Variants in ARHGAP21 observed in about 807,000 individuals in gnomAD.
ARHGAP21 encodes rho GTPase-activating protein 21.
ARHGAP21 carries 38 observed loss-of-function variants against 164.6 expected under a neutral mutation model. The observed-to-expected ratio is 0.23, with a 90% CI of 0.18 to 0.30. ARHGAP21 has a LOEUF of 0.30. Among genes scored for constraint, ARHGAP21 ranks in the 10% least tolerant of loss-of-function variants. The pLI, the probability that ARHGAP21 is intolerant of heterozygous loss-of-function variation, is 1.00. For missense variants in ARHGAP21, 1,822 were observed against 2,370.7 expected (o/e 0.77, Z 4.81); for synonymous variants, 766 against 857.9 (o/e 0.89, Z 1.87).
chr10:24,664,130 G>T (rs1232367961), intron 4 of ARHGAP21, among the ~76,000 whole-genome samples: 1 of 152,186 alleles, frequency 6.6e-6, no homozygotes, highest in East Asian at 1.9e-4. Flanking sequence ...TTTTCCAAGG[G>T]AGAAACCCGT....
At chr10:24,664,954 C>T (rs966401396) in intron 4 of ARHGAP21, among the ~76,000 whole-genome samples, 3 of 152,154 alleles carry the variant, frequency 2.0e-5, no homozygotes, top group Admixed American at 6.5e-5. Context: ...TAATGATCTG[C>T]ATGAAGTTTT....
At chr10:24,588,323 AGT>A (rs2076188301) in intron 25 of ARHGAP21, among the ~76,000 whole-genome samples, 1 of 114,092 alleles carries the variant, frequency 8.8e-6, no homozygotes, top group Non-Finnish European at 2.2e-5. Flanking sequence ...TCAGAACAAA[AGT>A]GTGAATTTAC....
intron 4 of ARHGAP21, among the ~76,000 whole-genome samples, chr10:24,647,515 TTTC>T (rs1837691643): frequency 6.6e-6 from 1 of 152,204 alleles, no homozygotes; most frequent in Non-Finnish European, 1.5e-5. Context: ...GAAATCTGCT[TTTC>T]TTCTTCAACA....
intron 19 of ARHGAP21, 35 bp from the exon 20 acceptor site, chr10:24,595,225 A>G (rs924128075): frequency 1.3e-6 from 2 of 1,544,696 alleles, no homozygotes; most frequent in African/African-American, 2.7e-5. Context: ...ATTTATCTTA[A>G]ATTGCCTAGG....
chr10:24,655,036 A>G (rs1037367607), intron 4 of ARHGAP21, among the ~76,000 whole-genome samples: 14 of 152,390 alleles, frequency 9.2e-5, no homozygotes, highest in Non-Finnish European at 1.9e-4. Flanking sequence ...TCCCTATTTA[A>G]TAAAAGGTGC....
chr10:24,632,979 T>C (rs1382189950), intron 6 of ARHGAP21, among the ~76,000 whole-genome samples: 1 of 152,206 alleles, frequency 6.6e-6, no homozygotes. Context: ...GAATGTCTTG[T>C]TGTCTTGGTT....
chr10:24,661,132 A>G lies in ARHGAP21; in HGVS notation c.268+5853T>C, dbSNP rs1839652681. 3.3e-5 allele frequency among the ~76,000 whole-genome samples: 5 copies of G among 149,814 alleles called. No homozygotes were observed. The South Asian group carries it at 1.0e-3, about 31-fold the overall frequency. On this transcript the variant is annotated intron_variant, in intron 4 of 25. Coordinates refer to ENST00000396432, the MANE Select transcript of ARHGAP21 (RefSeq NM_020824.4). ...TAATTATATTACATTAGAACATGTT[A>G]TACTATATTGTTATATATTTATATT...
chr10:24,691,858 T>C (rs546737853), intron 2 of ARHGAP21, among the ~76,000 whole-genome samples: 6 of 152,370 alleles, frequency 3.9e-5, no homozygotes, highest in African/African-American at 9.6e-5. Flanking sequence ...CAAACTGTTA[T>C]GATTTTTAAG....
rs916069271 is a variant in ARHGAP21, at chr10:24,593,617, C to T, written c.3876+1333G>A. Among the ~76,000 whole-genome samples, 2 of 61,328 alleles carry T rather than the reference C, an allele frequency of 3.3e-5. 1 individual carries two copies. The highest frequency in any genetic ancestry group is 9.9e-4 in the South Asian group (2 of 2,018). The allele number at this position is 61,328 out of a possible 152,430, so 40.2% of individuals were successfully genotyped here. Reference sequence around the variant, plus strand: ...AAAGATATTCCATAAAATACCATACCCCATCTTCAAGATTCAGTGTAATTA... The same window carrying T: ...AAAGATATTCCATAAAATACCATACTCCATCTTCAAGATTCAGTGTAATTA... On this transcript the variant is annotated intron_variant, in intron 21 of 25. Transcript: ENST00000396432.
rs1164602567 is a variant in ARHGAP21, at chr10:24,620,883, A to G, written c.1012T>C (p.Ser338Pro). Reference protein sequence around the residue: ...HLIHQPAGSRSLEPSGILLKS... With the variant: ...HLIHQPAGSRPLEPSGILLKS... The stretch of plus-strand genomic sequence containing the variant: ...AGTAAAATTCCAGAAGGTTCCAGTG[A>G]TCTGGAGCCTGCAGGCTGATGAATT... The change falls in exon 9 of 26, where the codon TCA becomes CCA. Residue 338 changes from serine to proline, a missense_variant. Around this residue, in one of 5 missense-constraint regions of ARHGAP21, gnomAD observed 1,090 missense variants for 1,378.9 expected, o/e 0.79. Transcript: ENST00000396432. 1.9e-6 allele frequency: 3 copies of G among 1,613,780 alleles called. No individual in the cohort carries two copies. The African/African-American group carries it at 4.0e-5, about 22-fold the overall frequency.
intron 4 of ARHGAP21, among the ~76,000 whole-genome samples, chr10:24,665,397 A>T (rs971420034): frequency 6.6e-6 from 1 of 152,198 alleles, no homozygotes; most frequent in African/African-American, 2.4e-5. Flanking sequence ...CAACAGGTTG[A>T]GTGGTTAAAC....
intron 2 of ARHGAP21, among the ~76,000 whole-genome samples, chr10:24,683,291 G>C (rs1258589115): frequency 6.6e-6 from 1 of 151,752 alleles, no homozygotes; most frequent in African/African-American, 2.4e-5. Context: ...TTTTCATATA[G>C]CTGGCTTTCA....
At chr10:24,678,948 C>G (rs1327259293) in intron 2 of ARHGAP21, among the ~76,000 whole-genome samples, 1 of 152,146 alleles carries the variant, frequency 6.6e-6, no homozygotes, top group Non-Finnish European at 1.5e-5. Context: ...TAGTTCATTC[C>G]TTTTCATTGC....
At chr10:24,718,172 A>T (rs535957311) in intron 2 of ARHGAP21, among the ~76,000 whole-genome samples, 77 of 152,304 alleles carry the variant, frequency 5.1e-4, no homozygotes, top group Non-Finnish European at 7.5e-4. Flanking sequence ...GAGACGGAAG[A>T]GTGAGAATGC....
chr10:24,620,011 A>C lies in ARHGAP21; in HGVS notation c.1884T>G (p.Ala628=). The change falls in exon 9 of 26, where the codon GCT becomes GCG. Residue 628 remains alanine (A), a synonymous_variant. Transcript: ENST00000396432. The stretch of plus-strand genomic sequence containing the variant: ...ATGGTTTTGTGACATGCGTGGAAGG[A>C]GCTTTCAGAGAATTACTTCGGACTT... ...LVKVRSNSLK[A]PSTHVTKPSF... is the part of the protein sequence containing the mutation. 1 of 1,613,948 alleles carries C rather than the reference A, an allele frequency of 6.2e-7. No individual in the cohort carries two copies. The highest frequency in any genetic ancestry group is 8.5e-7 in the Non-Finnish European group (1 of 1,179,860).
At chr10:24,713,159 T>C (rs1446911393) in intron 2 of ARHGAP21, among the ~76,000 whole-genome samples, 2 of 152,192 alleles carry the variant, frequency 1.3e-5, no homozygotes, top group African/African-American at 2.4e-5. Flanking sequence ...CTTCTCAATA[T>C]ATTAATGAGT....
intron 2 of ARHGAP21, among the ~76,000 whole-genome samples, chr10:24,675,682 A>G (rs924127304): frequency 6.6e-6 from 1 of 152,200 alleles, no homozygotes; most frequent in African/African-American, 2.4e-5. Context: ...GAATGAGGAA[A>G]CATGGGGCTG....
chr10:24,596,024 T>A lies in ARHGAP21; in HGVS notation c.3497A>T (p.Asp1166Val), dbSNP rs2076563779. 6.2e-7 allele frequency: 1 copy of A among 1,604,248 alleles called. No homozygotes were observed. The highest frequency in any genetic ancestry group is 1.3e-5 in the African/African-American group (1 of 74,694). Reference protein sequence around the residue: ...HTNRYIPLIVDICCKLVEERG... With the variant: ...HTNRYIPLIVVICCKLVEERG... Reference sequence around the variant, plus strand: ...TTCTTCAACTAATTTGCAACATATGTCAACTATTAATGGAATATACTGCAA... The same window carrying A: ...TTCTTCAACTAATTTGCAACATATGACAACTATTAATGGAATATACTGCAA... The change falls in exon 18 of 26, where the codon GAC becomes GTC. Residue 1166 changes from aspartate to valine, a missense_variant. Physicochemically the swap from Asp to Val is radical, Grantham distance 152. This residue lies in a region of ARHGAP21 where 117 missense variants were observed against 238.1 expected (regional missense o/e 0.49). Transcript: ENST00000396432.
At chr10:24,625,075 G>GGAA (rs1565045393) in intron 7 of ARHGAP21, among the ~76,000 whole-genome samples, 16 of 87,362 alleles carry the variant, frequency 1.8e-4, no homozygotes, top group African/African-American at 6.6e-4. Flanking sequence ...AGGAGGAGGA[G>GGAA]GAAGAAAATA....
Sources: allele counts gnomAD v4.1 joint callset (sites outside exome capture counted in the v4.1 genomes callset), GRCh38; gene constraint gnomAD v4.1.1; regional missense constraint gnomAD v4.1.1; transcripts MANE v1.5; gene names NCBI Gene and HGNC (gene_info 2026-07-23, HGNC 2026-07-21).